VAPA: variants seen among roughly 807,000 people sequenced by gnomAD.
The protein encoded by VAPA is VAMP associated protein A.
VAPA carries 6 observed loss-of-function variants against 25.6 expected under a neutral mutation model. The ratio of observed to expected loss-of-function variants is 0.23; its 90% CI spans 0.13 to 0.46. The LOEUF (loss-of-function observed/expected upper bound fraction) is 0.46. Among genes scored for constraint, VAPA ranks in the 20% least tolerant of loss-of-function variants. The probability of loss-of-function intolerance (pLI) is 0.99; values close to 1 mark genes in which losing one functional copy is unlikely to be tolerated. For missense variants in VAPA, 244 were observed against 302.1 expected (o/e 0.81, Z 1.43); for synonymous variants, 112 against 106.2 (o/e 1.05, Z -0.34).
At chr18:9,946,867 A>T (rs1463016642) in intron 4 of VAPA, among the ~76,000 whole-genome samples, 3 of 152,244 alleles carry the variant, frequency 2.0e-5, no homozygotes, top group Admixed American at 6.5e-5. Flanking sequence ...GACATAAAGC[A>T]CAAGCACAGT....
At chr18:9,936,950 C>T (rs766603319) in intron 3 of VAPA, 36 bp from the exon 4 acceptor site, 2 of 1,574,546 alleles carry the variant, frequency 1.3e-6, no homozygotes, top group Admixed American at 1.7e-5. Flanking sequence ...ATGATCATAC[C>T]TCCTATGTCT....
chr18:9,919,683 C>T (rs943758109), intron 1 of VAPA, among the ~76,000 whole-genome samples: 1 of 152,092 alleles, frequency 6.6e-6, no homozygotes, highest in African/African-American at 2.4e-5. Context: ...AAGAGGTCGG[C>T]GTGGCAGTGG....
chr18:9,937,314 T>C (rs1310460942), intron 4 of VAPA, among the ~76,000 whole-genome samples: 1 of 151,958 alleles, frequency 6.6e-6, no homozygotes, highest in African/African-American at 2.4e-5. Context: ...AAGAATCATT[T>C]AAGTCTACCA....
At chr18:9,945,594 C>T (rs58552817) in intron 4 of VAPA, among the ~76,000 whole-genome samples, 2,633 of 152,030 alleles carry the variant, frequency 0.017, 90 homozygotes, top group African/African-American at 0.059. Context: ...TAAACTCCGA[C>T]CTCAGGTGAT....
rs2069586124 is a variant in VAPA, at chr18:9,959,720, C to CAA, written c.*5509_*5510insAA. On this transcript the variant is annotated 3_prime_UTR_variant, in exon 6 of 6. Coordinates refer to ENST00000400000, the MANE Select transcript of VAPA (RefSeq NM_194434.3). ...GAGAGAGTGAGTTACTGACATTGTT[C>CAA]CAAAAAAAAAAAAAAAAAAAAAAAA... 1 of 36,434 alleles carries CAA rather than the reference C, an allele frequency of 2.7e-5. No individual in the cohort carries two copies. Among genetic ancestry groups the CAA allele is most frequent in the African/African-American group, 1.2e-4 (1 of 8,196 alleles). 2.3% of individuals were successfully genotyped at this position (36,434 alleles called of 1,614,324 possible).
At chr18:9,935,077 A>T (rs1249906639) in intron 2 of VAPA, among the ~76,000 whole-genome samples, 3 of 147,124 alleles carry the variant, frequency 2.0e-5, no homozygotes, top group African/African-American at 7.6e-5. Context: ...CCTGGGCGAC[A>T]GAGCAAGACT....
intron 1 of VAPA, among the ~76,000 whole-genome samples, chr18:9,921,886 T>A (rs1048839182): frequency 2.0e-5 from 3 of 152,218 alleles, no homozygotes; most frequent in African/African-American, 7.2e-5. Flanking sequence ...TGAACCTCAG[T>A]ATGCGTTAAT....
chr18:9,923,490 C>CT (rs1178959409), intron 1 of VAPA, among the ~76,000 whole-genome samples: 3 of 152,012 alleles, frequency 2.0e-5, no homozygotes, highest in Non-Finnish European at 4.4e-5. Context: ...TTTGACAGCT[C>CT]TTTTGTAGCT....
chr18:9,954,736 A>G lies in VAPA; in HGVS notation c.*525A>G, dbSNP rs2069528346. The G allele has an allele frequency of 6.5e-6, 1 of 152,678 alleles. No homozygotes were observed. The highest frequency in any genetic ancestry group is 1.5e-5 in the Non-Finnish European group (1 of 68,118). The allele number at this position is 152,678 out of a possible 1,614,324, so 9.5% of individuals were successfully genotyped here. A position where few individuals can be genotyped will look rare whatever the true frequency, so the allele number is the denominator to read the frequency against. ...GAATTTTTCTTATCCCTTGTGAGGC[A>G]GTTGTTGACTGAGTTTTTCATCCTT... On this transcript the variant is annotated 3_prime_UTR_variant, in exon 6 of 6. Coordinates refer to ENST00000400000, the MANE Select transcript of VAPA (RefSeq NM_194434.3).
chr18:9,930,266 C>CA (rs2069240187), intron 1 of VAPA, among the ~76,000 whole-genome samples: 1 of 152,060 alleles, frequency 6.6e-6, no homozygotes, highest in Non-Finnish European at 1.5e-5. Context: ...AATTTTGTGA[C>CA]ATGTCTTTTT....
chr18:9,943,536 C>G (rs909443878), intron 4 of VAPA, among the ~76,000 whole-genome samples: 5 of 152,188 alleles, frequency 3.3e-5, no homozygotes, highest in African/African-American at 1.2e-4. Flanking sequence ...GAGCCTGTTC[C>G]CTGTATTGTT....
At chr18:9,944,865 A>G in intron 4 of VAPA, 1 of 1,576,740 alleles carries the variant, frequency 6.3e-7, no homozygotes, top group Non-Finnish European at 8.6e-7. Context: ...TCCCAATATC[A>G]TGCAGAAGAA....
chr18:9,955,215 C>T lies in VAPA; in HGVS notation c.*1004C>T, dbSNP rs772791373. ...TAACCAGCCTAATAAATAAGTCTTA[C>T]TACTTTTCATAATATTTCATAATAG... is the stretch of plus-strand genomic sequence containing the variant. On this transcript the variant is annotated 3_prime_UTR_variant, in exon 6 of 6. Transcript: ENST00000400000. 4.6e-5 allele frequency: 7 copies of T among 152,150 alleles called. No homozygotes were observed. The highest frequency in any genetic ancestry group is 8.8e-5 in the Non-Finnish European group (6 of 67,998). The allele number at this position is 152,150 out of a possible 1,614,324, so 9.4% of individuals were successfully genotyped here.
chr18:9,935,060 A>C (rs2069294252), intron 2 of VAPA, among the ~76,000 whole-genome samples: 1 of 144,986 alleles, frequency 6.9e-6, no homozygotes, highest in Non-Finnish European at 1.5e-5. Context: ...GTACCGCTGC[A>C]CTCCAGCCTG....
intron 1 of VAPA, among the ~76,000 whole-genome samples, chr18:9,921,025 G>A (rs1264020870): frequency 1.3e-5 from 2 of 152,298 alleles, no homozygotes; most frequent in East Asian, 3.9e-4. Flanking sequence ...TAGTAGTTAG[G>A]CTTACATATT....
At chr18:9,927,926 A>G (rs1037284413) in intron 1 of VAPA, among the ~76,000 whole-genome samples, 2 of 152,170 alleles carry the variant, frequency 1.3e-5, no homozygotes, top group Non-Finnish European at 2.9e-5. Flanking sequence ...CAACAGCCAC[A>G]TAATTGAAAG....
chr18:9,940,311 T>C (rs778035962), intron 4 of VAPA, among the ~76,000 whole-genome samples: 1 of 152,192 alleles, frequency 6.6e-6, no homozygotes, highest in Non-Finnish European at 1.5e-5. Flanking sequence ...TTGGTAATTT[T>C]CTTGTCTAAT....
At position 9,914,510 on chromosome 18, in the gene VAPA, C is replaced by T. The variant is rs1162059766; in HGVS notation, c.79+175C>T. The T allele has an allele frequency of 9.1e-6, 4 of 441,464 alleles. No homozygotes were observed. In the Admixed American group the frequency reaches 1.5e-4, roughly 16 times the overall value. 27.3% of individuals were successfully genotyped at this position (441,464 alleles called of 1,614,324 possible). A position where few individuals can be genotyped will look rare whatever the true frequency, so the allele number is the denominator to read the frequency against. ...TTGCCGCCACCTCGGCCGGCCTGCC[C>T]CTTGCTCCGGCCCGCTTCATCCCCT... On this transcript the variant is annotated intron_variant, in intron 1 of 5. Coordinates refer to ENST00000400000, the MANE Select transcript of VAPA (RefSeq NM_194434.3).
chr18:9,954,535 T>C lies in VAPA; in HGVS notation c.*324T>C, dbSNP rs1433924833. ...AGTTCAAGAATTGTTCAGAGTCTTG[T>C]AAATGTTATTTTAATAATCCCTTTA... On this transcript the variant is annotated 3_prime_UTR_variant, in exon 6 of 6. Coordinates refer to ENST00000400000, the MANE Select transcript of VAPA (RefSeq NM_194434.3). 1 of 204,722 alleles carries C rather than the reference T, an allele frequency of 4.9e-6. No individual in the cohort carries two copies. Among genetic ancestry groups the C allele is most frequent in the Non-Finnish European group, 9.6e-6 (1 of 103,676 alleles). 12.7% of individuals were successfully genotyped at this position (204,722 alleles called of 1,614,324 possible).
Sources: allele counts gnomAD v4.1 joint callset (sites outside exome capture counted in the v4.1 genomes callset), GRCh38; gene constraint gnomAD v4.1.1; transcripts MANE v1.5; gene names NCBI Gene and HGNC (gene_info 2026-07-23, HGNC 2026-07-21).